Variants in SLCO3A1 observed in about 807,000 individuals in gnomAD.
SLCO3A1 encodes PGE1 transporter.
A neutral mutation model predicts 63.1 loss-of-function variants in SLCO3A1; 27 were observed. The ratio of observed to expected loss-of-function variants is 0.43; its 90% CI spans 0.32 to 0.59. The LOEUF (loss-of-function observed/expected upper bound fraction) is 0.59, where lower values mean the gene tolerates loss of function less well. Among genes scored for constraint, SLCO3A1 ranks in the 20% least tolerant of loss-of-function variants. SLCO3A1 has a pLI of 0.09. For synonymous variants in SLCO3A1, 473 were observed against 409.9 expected, an observed-to-expected ratio of 1.15 and a Z score of -1.86; for missense variants, 773 against 945.8, an observed-to-expected ratio of 0.82 and a Z score of 2.40.
At chr15:91,915,276 G>C (rs955146638) in intron 1 of SLCO3A1, among the ~76,000 whole-genome samples, 1 of 151,964 alleles carries the variant, frequency 6.6e-6, no homozygotes, top group Non-Finnish European at 1.5e-5. Context: ...GCAGATGTTC[G>C]GTATATGTTT....
intron 2 of SLCO3A1, among the ~76,000 whole-genome samples, chr15:91,955,947 A>G (rs1567036464): frequency 6.6e-6 from 1 of 152,120 alleles, no homozygotes; most frequent in Non-Finnish European, 1.5e-5. Context: ...ATGCCAACAG[A>G]AGGTATTGTT....
intron 2 of SLCO3A1, among the ~76,000 whole-genome samples, chr15:92,050,843 G>T (rs1378976078): frequency 6.6e-6 from 1 of 151,936 alleles, no homozygotes; most frequent in African/African-American, 2.4e-5. Context: ...GTTACGGCTC[G>T]GGATGATGTA....
chr15:91,937,455 C>T (rs1179457685), intron 2 of SLCO3A1, among the ~76,000 whole-genome samples: 2 of 152,072 alleles, frequency 1.3e-5, no homozygotes, highest in African/African-American at 2.4e-5. Flanking sequence ...CATGGTGGCT[C>T]ACACCTGTAA....
In SLCO3A1 at chr15:92,128,340, T is replaced by C; in HGVS notation, c.1374-11T>C. 1 of 1,613,378 alleles carries C rather than the reference T, an allele frequency of 6.2e-7. No individual in the cohort carries two copies. Among genetic ancestry groups the C allele is most frequent in the Non-Finnish European group, 8.5e-7 (1 of 1,179,776 alleles). On this transcript the variant is annotated splice_polypyrimidine_tract_variant and intron_variant, in intron 6 of 9. Transcript: ENST00000318445. Reference sequence around the variant, plus strand: ...GTTTCTAATGGCTTCCGTGTTTCCTTTCTTTTCCAGCACAGCACCTGGCTC... The same window carrying C: ...GTTTCTAATGGCTTCCGTGTTTCCTCTCTTTTCCAGCACAGCACCTGGCTC...
chr15:92,051,352 T>A (rs1276015886), intron 2 of SLCO3A1, among the ~76,000 whole-genome samples: 1 of 152,072 alleles, frequency 6.6e-6, no homozygotes, highest in African/African-American at 2.4e-5. Context: ...TGGGACAGCA[T>A]CCCTGTAGCC....
At chr15:91,895,287 C>A (rs974379138) in intron 1 of SLCO3A1, among the ~76,000 whole-genome samples, 1 of 152,146 alleles carries the variant, frequency 6.6e-6, no homozygotes, top group African/African-American at 2.4e-5. Context: ...ATATGATGAT[C>A]AGTTTCAGCA....
intron 1 of SLCO3A1, among the ~76,000 whole-genome samples, chr15:91,895,923 C>A (rs921308519): frequency 3.3e-5 from 5 of 152,236 alleles, no homozygotes; most frequent in African/African-American, 1.2e-4. Flanking sequence ...GGACAATGAA[C>A]TGTGTAGACC....
At chr15:92,150,880 T>G (rs2048296082) in intron 8 of SLCO3A1, 70 bp from the exon 9 acceptor site, 1 of 1,097,540 alleles carries the variant, frequency 9.1e-7, no homozygotes, top group East Asian at 2.4e-5. Context: ...CAAATGACTC[T>G]GGGGTCTGTT....
intron 2 of SLCO3A1, among the ~76,000 whole-genome samples, chr15:92,067,789 A>C (rs893129991): frequency 3.3e-5 from 5 of 151,784 alleles, no homozygotes; most frequent in African/African-American, 1.2e-4. Context: ...AGAATACCAT[A>C]AACTGGGCAG....
intron 2 of SLCO3A1, among the ~76,000 whole-genome samples, chr15:91,972,854 C>T (rs566705077): frequency 6.6e-6 from 1 of 152,298 alleles, no homozygotes; most frequent in Non-Finnish European, 1.5e-5. Flanking sequence ...GGCATGGTGG[C>T]TCATGCCTGT....
At chr15:91,893,103 C>G (rs569015489) in intron 1 of SLCO3A1, among the ~76,000 whole-genome samples, 1 of 152,194 alleles carries the variant, frequency 6.6e-6, no homozygotes, top group African/African-American at 2.4e-5. Context: ...TGGGAAGATG[C>G]CTTATCTCTG....
intron 4 of SLCO3A1, among the ~76,000 whole-genome samples, chr15:92,108,234 A>C (rs1435741122): frequency 6.6e-6 from 1 of 152,134 alleles, no homozygotes. Context: ...GGTTTGTTAA[A>C]CTCCAGTATC....
At chr15:92,144,394 C>T (rs2048192970) in intron 7 of SLCO3A1, among the ~76,000 whole-genome samples, 1 of 152,078 alleles carries the variant, frequency 6.6e-6, no homozygotes, top group South Asian at 2.1e-4. Context: ...AGATAAAGCA[C>T]CTTAAAAAAG....
rs185871147 is a variant in SLCO3A1 at position 91,884,965 on chromosome 15, A to T, written c.180+30877A>T. Among the ~76,000 whole-genome samples the T allele has an allele frequency of 7.1e-3, 1,086 of 152,172 alleles. 8 individuals are homozygous for T. The highest frequency in any genetic ancestry group is 0.041 in the Middle Eastern group (12 of 294). Reference sequence around the variant, plus strand: ...GACCCCTGCTGGCGAGCTCACCTGTATTCTAGGAGCATGGGGTCTGATTCC... The same window carrying T: ...GACCCCTGCTGGCGAGCTCACCTGTTTTCTAGGAGCATGGGGTCTGATTCC... On this transcript the variant is annotated intron_variant, in intron 1 of 9. Transcript: ENST00000318445.
chr15:91,905,073 A>G (rs1213191428), intron 1 of SLCO3A1, among the ~76,000 whole-genome samples: 2 of 152,202 alleles, frequency 1.3e-5, no homozygotes, highest in African/African-American at 4.8e-5. Context: ...AACATTCCAC[A>G]TCATTGCTCT....
chr15:91,978,860 C>G (rs1901222248), intron 2 of SLCO3A1, among the ~76,000 whole-genome samples: 1 of 152,224 alleles, frequency 6.6e-6, no homozygotes, highest in South Asian at 2.1e-4. Flanking sequence ...GGGCCAAATC[C>G]TATTGACCAT....
At chr15:92,075,123 C>T (rs926157958) in intron 2 of SLCO3A1, among the ~76,000 whole-genome samples, 2 of 152,272 alleles carry the variant, frequency 1.3e-5, no homozygotes, top group East Asian at 1.9e-4. Flanking sequence ...GCCAGTCCCC[C>T]GTGCTCCATG....
At chr15:92,122,612 C>T (rs2047876200) in intron 5 of SLCO3A1, among the ~76,000 whole-genome samples, 1 of 152,182 alleles carries the variant, frequency 6.6e-6, no homozygotes, top group East Asian at 1.9e-4. Flanking sequence ...TAAAGCTAAC[C>T]ATATGTCTGT....
chr15:92,052,346 AG>A, intron 2 of SLCO3A1, among the ~76,000 whole-genome samples: 1 of 152,192 alleles, frequency 6.6e-6, no homozygotes, highest in Non-Finnish European at 1.5e-5. Context: ...ACTGGAAGAC[AG>A]ATTGGCCTTT....
Sources: gnomAD v4.1 joint callset for allele counts (sites outside exome capture counted in the v4.1 genomes callset) on GRCh38, gnomAD v4.1.1 for gene constraint, MANE v1.5 for transcripts, NCBI Gene and HGNC (gene_info 2026-07-23, HGNC 2026-07-21) for gene names.